Variants in ADRA1B observed in about 807,000 individuals in gnomAD.
ADRA1B encodes the protein alpha-1B adrenergic receptor.
In ADRA1B, 17 loss-of-function variants were observed where a neutral mutation model predicts 17.9. That is an observed-to-expected ratio of 0.95 (90% CI 0.65 to 1.42). The LOEUF (loss-of-function observed/expected upper bound fraction) is 1.42. Among genes scored for constraint, ADRA1B ranks in the 40% most tolerant of loss-of-function variants. The pLI is 0.00. For synonymous variants in ADRA1B, 366 were observed against 327.6 expected (o/e 1.12, Z -1.27); for missense variants, 681 against 722.1 (o/e 0.94, Z 0.65).
Position 159,886,815 on chromosome 5 carries a change from A to G in ADRA1B, c.-256+21609A>G, listed in dbSNP as rs78376352. Among the ~76,000 whole-genome samples the G allele has an allele frequency of 2.7e-3, 413 of 152,350 alleles. 3 individuals are homozygous for G. The highest frequency in any genetic ancestry group is 9.6e-3 in the African/African-American group (398 of 41,576). ...GTTCAGTTACTCGCCAGCTGATGAA[A>G]AAAAAGAGAGTAATGGAACTTTCCC... On this transcript the variant is annotated intron_variant, in intron 1 of 2. Coordinates refer to the ADRA1B transcript ENST00000641205.
chr5:159,874,381 C>T (rs553111858), intron 1 of ADRA1B, among the ~76,000 whole-genome samples: 1 of 152,352 alleles, frequency 6.6e-6, no homozygotes, highest in East Asian at 1.9e-4. Flanking sequence ...ACACAAGCTA[C>T]TGAAGCTCTG....
At chr5:159,881,400 T>C (rs1753862690) in intron 1 of ADRA1B, among the ~76,000 whole-genome samples, 1 of 151,804 alleles carries the variant, frequency 6.6e-6, no homozygotes, top group Non-Finnish European at 1.5e-5. Context: ...TCTACCTTCA[T>C]TTTGTGTATC....
chr5:159,874,165 T>C (rs1211611529), intron 1 of ADRA1B, among the ~76,000 whole-genome samples: 1 of 152,096 alleles, frequency 6.6e-6, no homozygotes, highest in Non-Finnish European at 1.5e-5. Context: ...GGAGAAGTGC[T>C]CAGACCCACT....
chr5:159,918,956 C>A (rs752660861), intron 1 of ADRA1B, among the ~76,000 whole-genome samples: 2 of 144,234 alleles, frequency 1.4e-5, no homozygotes, highest in East Asian at 1.9e-4. Flanking sequence ...TGCTATACTG[C>A]GGACCACATA....
intron 1 of ADRA1B, among the ~76,000 whole-genome samples, chr5:159,929,507 C>T (rs146437971): frequency 3.3e-5 from 5 of 150,060 alleles, no homozygotes; most frequent in African/African-American, 1.2e-4. Flanking sequence ...TATGGACCCT[C>T]TAACTCCAGA....
chr5:159,883,569 C>A (rs1464536410), intron 1 of ADRA1B, among the ~76,000 whole-genome samples: 1 of 152,232 alleles, frequency 6.6e-6, no homozygotes, highest in Non-Finnish European at 1.5e-5. Context: ...AGAAGGCCTA[C>A]AGGGACTTCA....
chr5:159,948,641 T>G (rs1469392064), intron 1 of ADRA1B: 2 of 191,644 alleles, frequency 1.0e-5, no homozygotes, highest in Non-Finnish European at 9.6e-6. Context: ...GCATATCAAA[T>G]GTACTATTTT....
chr5:159,898,335 G>T (rs372601516), intron 1 of ADRA1B, among the ~76,000 whole-genome samples: 2 of 152,200 alleles, frequency 1.3e-5, no homozygotes, highest in African/African-American at 4.8e-5. Context: ...TAAGACAGGA[G>T]GGCAGAGAAA....
intron 1 of ADRA1B, among the ~76,000 whole-genome samples, chr5:159,872,643 A>T (rs1292765864): frequency 6.6e-6 from 1 of 152,086 alleles, no homozygotes; most frequent in Non-Finnish European, 1.5e-5. Flanking sequence ...CCTGGCTCTC[A>T]CTACCATCAT....
intron 1 of ADRA1B, among the ~76,000 whole-genome samples, chr5:159,965,627 G>A (rs1200707804): frequency 8.5e-5 from 13 of 152,100 alleles, no homozygotes; most frequent in Admixed American, 7.9e-4. Flanking sequence ...TGCAGCAAAC[G>A]GGACCCCCCT....
chr5:159,912,531 G>A (rs368738726), upstream of ADRA1B, among the ~76,000 whole-genome samples: 6 of 152,196 alleles, frequency 3.9e-5, no homozygotes, highest in East Asian at 1.9e-4. Flanking sequence ...TTACTAAGGA[G>A]CCTGGTCACA....
intron 1 of ADRA1B, among the ~76,000 whole-genome samples, chr5:159,969,935 T>A (rs3850734): frequency 0.21 from 30,859 of 149,148 alleles, 4,098 homozygotes; most frequent in African/African-American, 0.38. Context: ...TGCATTTTTT[T>A]AAAAAAAAAA....
chr5:159,955,595 A>G (rs1755538175), intron 1 of ADRA1B, among the ~76,000 whole-genome samples: 1 of 152,192 alleles, frequency 6.6e-6, no homozygotes, highest in Non-Finnish European at 1.5e-5. Context: ...CCTCTCTGCC[A>G]GCCAGCAGGT....
intron 1 of ADRA1B, among the ~76,000 whole-genome samples, chr5:159,918,569 A>G (rs1581032739): frequency 6.6e-6 from 1 of 152,250 alleles, no homozygotes; most frequent in African/African-American, 2.4e-5. Context: ...TGATTTATGG[A>G]ATGCCCAGAA....
At chr5:159,970,194 G>A (rs575647698) in intron 1 of ADRA1B, among the ~76,000 whole-genome samples, 16 of 152,048 alleles carry the variant, frequency 1.1e-4, no homozygotes, top group Admixed American at 9.2e-4. Context: ...TTATTATATT[G>A]ATTTATTTCC....
At chr5:159,900,435 G>A (rs966864686) in intron 1 of ADRA1B, among the ~76,000 whole-genome samples, 3 of 152,122 alleles carry the variant, frequency 2.0e-5, no homozygotes, top group African/African-American at 4.8e-5. Context: ...GGTCTTGTAC[G>A]TTCCTTGTTA....
At chr5:159,987,552 C>T in the ADRA1B span, among the ~76,000 whole-genome samples, 1 of 152,250 alleles carries the variant, frequency 6.6e-6, no homozygotes, top group Non-Finnish European at 1.5e-5. Context: ...GCGCGCCACC[C>T]GCTGGCCAAC....
At chr5:159,980,581 A>G in the ADRA1B span, among the ~76,000 whole-genome samples, 1 of 152,184 alleles carries the variant, frequency 6.6e-6, no homozygotes, top group African/African-American at 2.4e-5. Context: ...CTTGCCAGCT[A>G]TGTGGTCCCA....
chr5:159,974,380 A>G (rs1309604857), downstream of ADRA1B, among the ~76,000 whole-genome samples: 1 of 152,222 alleles, frequency 6.6e-6, no homozygotes, highest in Non-Finnish European at 1.5e-5. Flanking sequence ...TCACGCCTGT[A>G]TCCCAGCACT....
Sources: gnomAD v4.1 joint callset for allele counts (sites outside exome capture counted in the v4.1 genomes callset) on GRCh38, gnomAD v4.1.1 for gene constraint, MANE v1.5 for transcripts, NCBI Gene and HGNC (gene_info 2026-07-23, HGNC 2026-07-21) for gene names.